Variants in PIP5K1B observed in about 807,000 individuals in gnomAD.
PIP5K1B encodes the protein phosphatidylinositol-4-phosphate 5-kinase type 1 beta.
Under a neutral mutation model 67.0 loss-of-function variants are expected in PIP5K1B, and 42 were observed. The observed-to-expected ratio is 0.63, with a 90% CI of 0.49 to 0.81. The LOEUF (loss-of-function observed/expected upper bound fraction) is 0.81, where lower values mean the gene tolerates loss of function less well. Among genes scored for constraint, PIP5K1B ranks in the 30% least tolerant of loss-of-function variants. PIP5K1B has a pLI of 0.00. For missense variants in PIP5K1B, 459 were observed against 646.3 expected, an observed-to-expected ratio of 0.71 and a Z score of 3.14; for synonymous variants, 214 against 231.4, an observed-to-expected ratio of 0.92 and a Z score of 0.68.
intron 1 of PIP5K1B, among the ~76,000 whole-genome samples, chr9:68,706,604 C>T (rs977897514): frequency 6.6e-6 from 1 of 152,204 alleles, no homozygotes; most frequent in African/African-American, 2.4e-5. Context: ...ATCCTAGTTA[C>T]TCTGATGCTT....
rs760526631 is a variant in PIP5K1B at position 69,008,443 on chromosome 9, C to T, written c.1621-4C>T. 1 of 1,613,764 alleles carries T rather than the reference C, an allele frequency of 6.2e-7. No individual in the cohort carries two copies. The highest frequency in any genetic ancestry group is 1.1e-5 in the South Asian group (1 of 91,066). ...TCTCACACCTGCTTTTTTGCTCCCCCCAGTAAGTGAAAATGGTGATCACCT... is the reference window on the plus strand; with the variant it reads ...TCTCACACCTGCTTTTTTGCTCCCCTCAGTAAGTGAAAATGGTGATCACCT... On this transcript the variant is annotated splice_region_variant and splice_polypyrimidine_tract_variant and intron_variant, in intron 15 of 15. Coordinates refer to ENST00000265382, the MANE Select transcript of PIP5K1B (RefSeq NM_003558.4).
chr9:68,917,272 G>A (rs978441212), intron 8 of PIP5K1B, among the ~76,000 whole-genome samples: 1 of 152,176 alleles, frequency 6.6e-6, no homozygotes, highest in African/African-American at 2.4e-5. Flanking sequence ...TACTCAATCC[G>A]TGCTATTAGT....
Position 68,894,603 on chromosome 9 carries a change from A to C in PIP5K1B, c.736A>C (p.Asn246His). The change falls in exon 8 of 16, where the codon AAC (asparagine) becomes CAC (histidine). Residue 246 changes from asparagine to histidine, a missense_variant. Around this residue, in one of 2 missense-constraint regions of PIP5K1B, gnomAD observed 290 missense variants for 474.4 expected, o/e 0.61. Transcript: ENST00000265382. ...EGLYFDTETY[N>H]ALMKTLQRDC... is the part of the protein sequence containing the mutation. ...GTTGTATTTTGATACGGAAACATACAACGCGCTTATGAAAACACTTCAGAG... is the reference window on the plus strand; with the variant it reads ...GTTGTATTTTGATACGGAAACATACCACGCGCTTATGAAAACACTTCAGAG... 6.2e-7 allele frequency: 1 copy of C among 1,614,148 alleles called. No homozygotes were observed. The highest frequency in any genetic ancestry group is 1.3e-5 in the African/African-American group (1 of 75,064).
chr9:68,997,802 T>G (rs982823580), intron 15 of PIP5K1B, among the ~76,000 whole-genome samples: 4 of 152,124 alleles, frequency 2.6e-5, no homozygotes, highest in Non-Finnish European at 5.9e-5. Flanking sequence ...CAGTCTAGAT[T>G]AGGAGGTCAC....
At chr9:68,809,184 C>G (rs778872721) in intron 2 of PIP5K1B, among the ~76,000 whole-genome samples, 5 of 152,114 alleles carry the variant, frequency 3.3e-5, no homozygotes, top group African/African-American at 9.7e-5. Context: ...GCTTTGGAAA[C>G]TATGTTAAGG....
intron 7 of PIP5K1B, among the ~76,000 whole-genome samples, chr9:68,892,367 C>A (rs1824836916): frequency 6.6e-6 from 1 of 152,056 alleles, no homozygotes; most frequent in South Asian, 2.1e-4. Context: ...ATAGCATATA[C>A]AAAAAATATA....
chr9:68,975,689 T>C (rs940227292), intron 14 of PIP5K1B, among the ~76,000 whole-genome samples: 6 of 152,156 alleles, frequency 3.9e-5, no homozygotes, highest in African/African-American at 1.4e-4. Context: ...GAGTTTGAAA[T>C]CCAGGTATCA....
intron 4 of PIP5K1B, among the ~76,000 whole-genome samples, chr9:68,837,671 G>A (rs1163697164): frequency 1.4e-5 from 2 of 142,842 alleles, no homozygotes; most frequent in African/African-American, 5.2e-5. Flanking sequence ...TTCCCTTAAG[G>A]CTTTTATCTT....
rs148869294 is a variant in PIP5K1B at position 68,854,869 on chromosome 9, G to A, written c.70-8968G>A. Among the ~76,000 whole-genome samples, 929 of 152,200 alleles carry A rather than the reference G, an allele frequency of 6.1e-3. 4 individuals carry two copies. Among genetic ancestry groups the A allele is most frequent in the Non-Finnish European group, 9.8e-3 (668 of 68,028 alleles). ...TATTTTCCTCCGTGGATATGTACAC[G>A]TGTACTTGGTTTTTCTTGTTTAAAT... On this transcript the variant is annotated intron_variant, in intron 4 of 15. Coordinates refer to ENST00000265382, the MANE Select transcript of PIP5K1B (RefSeq NM_003558.4).
chr9:68,777,171 A>G (rs188733865), intron 2 of PIP5K1B, among the ~76,000 whole-genome samples: 1 of 152,250 alleles, frequency 6.6e-6, no homozygotes, highest in East Asian at 1.9e-4. Flanking sequence ...GTTAGACTGG[A>G]TTTTCAAATA....
chr9:68,822,377 CT>C, intron 3 of PIP5K1B: 1 of 379,476 alleles, frequency 2.6e-6, no homozygotes, highest in Non-Finnish European at 4.7e-6. Flanking sequence ...TACATGCTTT[CT>C]TAGAGCATAT....
intron 2 of PIP5K1B, chr9:68,786,175 C>T (rs967073607): frequency 6.6e-6 from 1 of 152,156 alleles, no homozygotes; most frequent in Admixed American, 6.5e-5. Flanking sequence ...GATTGTGATT[C>T]CCTTATGACC....
Position 68,793,377 on chromosome 9 carries a change from G to A in PIP5K1B, c.-85-25084G>A, listed in dbSNP as rs190932658. ...GTTGAGAATAGACTCTGAGGGCGTG[G>A]TAGAGGCAGGGGGACCAATTAGGAG... On this transcript the variant is annotated intron_variant, in intron 2 of 15. Transcript: ENST00000265382. Among the ~76,000 whole-genome samples the A allele has an allele frequency of 4.6e-5, 7 of 152,234 alleles. No homozygotes were observed. The South Asian group carries it at 6.2e-4, about 13-fold the overall frequency.
intron 14 of PIP5K1B, chr9:68,964,157 GT>G (rs779854484): frequency 7.9e-5 from 12 of 152,118 alleles, no homozygotes; most frequent in Non-Finnish European, 1.6e-4. Flanking sequence ...TAAGACTGCT[GT>G]TGTATCCAGG....
intron 6 of PIP5K1B, among the ~76,000 whole-genome samples, chr9:68,882,832 G>A (rs1029529309): frequency 3.3e-5 from 5 of 152,246 alleles, no homozygotes; most frequent in South Asian, 4.2e-4. Flanking sequence ...TCCCAAATTC[G>A]TGAGTAAATG....
At position 68,995,635 on chromosome 9, in the gene PIP5K1B, A is replaced by G. The variant is rs909641274; in HGVS notation, c.1620+4378A>G. On this transcript the variant is annotated intron_variant, in intron 15 of 15. Transcript: ENST00000265382. ...AGCCTGACCAACATGGAGAAACCCTATCTCTACTAAAACTACAAAATTAGC... is the reference window on the plus strand; with the variant it reads ...AGCCTGACCAACATGGAGAAACCCTGTCTCTACTAAAACTACAAAATTAGC... Among the ~76,000 whole-genome samples the G allele has an allele frequency of 1.2e-4, 19 of 152,014 alleles. No homozygotes were observed. In the South Asian group the frequency reaches 1.4e-3, roughly 12 times the overall value.
At chr9:68,844,499 C>G (rs1822083447) in intron 4 of PIP5K1B, among the ~76,000 whole-genome samples, 1 of 152,042 alleles carries the variant, frequency 6.6e-6, no homozygotes, top group African/African-American at 2.4e-5. Context: ...GGGATCAAGT[C>G]AAGGGGTTCT....
At chr9:68,892,682 T>C (rs1824857842) in intron 7 of PIP5K1B, among the ~76,000 whole-genome samples, 2 of 152,144 alleles carry the variant, frequency 1.3e-5, no homozygotes, top group African/African-American at 4.8e-5. Context: ...TTTATGACTT[T>C]GGGATATAAA....
chr9:68,920,756 T>C (rs1826338758), intron 11 of PIP5K1B, among the ~76,000 whole-genome samples: 1 of 148,938 alleles, frequency 6.7e-6, no homozygotes, highest in Admixed American at 6.7e-5. Context: ...TTTCTCCCAT[T>C]CCGTCTCTGT....
Sources: gnomAD v4.1 joint callset for allele counts (sites outside exome capture counted in the v4.1 genomes callset) on GRCh38, gnomAD v4.1.1 for gene constraint, gnomAD v4.1.1 regional missense constraint, MANE v1.5 for transcripts, NCBI Gene and HGNC (gene_info 2026-07-23, HGNC 2026-07-21) for gene names.